MACROD2: variants seen among roughly 807,000 people sequenced by gnomAD.
MACROD2 encodes mono-ADP ribosylhydrolase 2, also known as ADP-ribose glycohydrolase MACROD2.
Under a neutral mutation model 70.4 loss-of-function variants are expected in MACROD2, and 36 were observed. The ratio of observed to expected loss-of-function variants is 0.51; its 90% CI spans 0.39 to 0.68. MACROD2 has a LOEUF of 0.68. Ranked by LOEUF, MACROD2 falls within the 30% of genes least tolerant of loss-of-function variation. The pLI is 0.00. For missense variants in MACROD2, 496 were observed against 538.4 expected (o/e 0.92, Z 0.78); for synonymous variants, 172 against 178.8 (o/e 0.96, Z 0.30).
intron 3 of MACROD2, among the ~76,000 whole-genome samples, chr20:14,469,755 G>T (rs192783793): frequency 2.6e-5 from 4 of 151,756 alleles, no homozygotes; most frequent in African/African-American, 9.7e-5. Context: ...CGAAGTTCTC[G>T]TGCTGTGTTT....
At chr20:14,655,676 ATTTC>A in intron 4 of MACROD2, among the ~76,000 whole-genome samples, 2 of 152,166 alleles carry the variant, frequency 1.3e-5, no homozygotes, top group African/African-American at 4.8e-5. Context: ...ATGAAGCAGC[ATTTC>A]TATGTGTCTC....
At chr20:15,911,768 G>C (rs2065241040) in intron 10 of MACROD2, among the ~76,000 whole-genome samples, 1 of 152,198 alleles carries the variant, frequency 6.6e-6, no homozygotes, top group South Asian at 2.1e-4. Context: ...ATGTGGAAAA[G>C]GATCCTGTGA....
intron 8 of MACROD2, among the ~76,000 whole-genome samples, chr20:15,672,075 T>C (rs1204675461): frequency 6.6e-6 from 1 of 152,180 alleles, no homozygotes; most frequent in Non-Finnish European, 1.5e-5. Flanking sequence ...CTCACTAAGC[T>C]GCTTAACTCA....
At chr20:14,759,377 T>A (rs2071985109) in intron 5 of MACROD2, among the ~76,000 whole-genome samples, 1 of 152,136 alleles carries the variant, frequency 6.6e-6, no homozygotes. Flanking sequence ...GGAAAAGACA[T>A]CATTAATGTT....
chr20:14,932,615 G>A (rs2074305834), intron 5 of MACROD2, among the ~76,000 whole-genome samples: 1 of 152,056 alleles, frequency 6.6e-6, no homozygotes, highest in South Asian at 2.1e-4. Flanking sequence ...GCCTAGGCTG[G>A]AGTGCAGTCA....
At chr20:15,362,136 C>T (rs111310988) in intron 6 of MACROD2, among the ~76,000 whole-genome samples, 200 of 151,984 alleles carry the variant, frequency 1.3e-3, no homozygotes, top group African/African-American at 4.5e-3. Context: ...CTCAGCCTTC[C>T]GAGTAGCTGG....
chr20:14,758,586 A>C (rs2071973077), intron 5 of MACROD2, among the ~76,000 whole-genome samples: 1 of 152,144 alleles, frequency 6.6e-6, no homozygotes, highest in Non-Finnish European at 1.5e-5. Context: ...GTGACTGAGC[A>C]AATCCACTGG....
At chr20:15,560,791 A>AAAAAAAAAAAAAAAAAT (rs2048233308) in intron 8 of MACROD2, among the ~76,000 whole-genome samples, 1 of 144,654 alleles carries the variant, frequency 6.9e-6, no homozygotes, top group Non-Finnish European at 1.5e-5. Context: ...AAAAAAAAAA[A>AAAAAAAAAAAAAAAAAT]GACTGATCAT....
intron 4 of MACROD2, among the ~76,000 whole-genome samples, chr20:14,648,632 ATATATCTATC>A (rs1985522227): frequency 6.6e-6 from 1 of 151,864 alleles, no homozygotes; most frequent in African/African-American, 2.4e-5. Flanking sequence ...ATATATATAT[ATATATCTATC>A]TATCTCACAT....
intron 5 of MACROD2, among the ~76,000 whole-genome samples, chr20:15,005,830 G>C (rs1193232362): frequency 6.6e-6 from 1 of 152,110 alleles, no homozygotes; most frequent in Non-Finnish European, 1.5e-5. Flanking sequence ...GAACCAGTTT[G>C]AGCTTCAGTC....
chr20:14,145,464 T>A (rs891966249), intron 3 of MACROD2, among the ~76,000 whole-genome samples: 2 of 152,216 alleles, frequency 1.3e-5, no homozygotes, highest in African/African-American at 4.8e-5. Flanking sequence ...TACAAATCTT[T>A]TAGAAAATAT....
intron 3 of MACROD2, among the ~76,000 whole-genome samples, chr20:14,178,749 T>TTTG (rs1311796068): frequency 6.8e-6 from 1 of 147,238 alleles, no homozygotes; most frequent in Non-Finnish European, 1.5e-5. Flanking sequence ...TTTTTTTTTT[T>TTTG]GACCGTAGTG....
At chr20:15,308,919 A>C (rs1285021306) in intron 6 of MACROD2, among the ~76,000 whole-genome samples, 1 of 152,132 alleles carries the variant, frequency 6.6e-6, no homozygotes, top group African/African-American at 2.4e-5. Context: ...TGTTCTCCCA[A>C]AGCATGGAAA....
At chr20:16,020,107 A>C (rs1328661815) in intron 15 of MACROD2, among the ~76,000 whole-genome samples, 1 of 152,234 alleles carries the variant, frequency 6.6e-6, no homozygotes, top group East Asian at 1.9e-4. Context: ...TGAAACTTCC[A>C]CGGGTCCCAT....
intron 5 of MACROD2, among the ~76,000 whole-genome samples, chr20:14,725,065 A>G (rs1050456090): frequency 1.3e-5 from 2 of 152,234 alleles, no homozygotes; most frequent in East Asian, 3.9e-4. Context: ...AGGCTTGCTC[A>G]TGGATTGGAT....
intron 4 of MACROD2, among the ~76,000 whole-genome samples, chr20:14,504,050 G>C (rs1367055306): frequency 6.6e-6 from 1 of 152,160 alleles, no homozygotes; most frequent in Non-Finnish European, 1.5e-5. Context: ...CAAAGTCAGT[G>C]CATTTTCTTA....
At chr20:15,219,139 G>T (rs190458908) in intron 5 of MACROD2, among the ~76,000 whole-genome samples, 1 of 152,166 alleles carries the variant, frequency 6.6e-6, no homozygotes, top group African/African-American at 2.4e-5. Flanking sequence ...CTATGGAGTC[G>T]AAAGACATCA....
intron 4 of MACROD2, among the ~76,000 whole-genome samples, chr20:14,495,271 C>T (rs2084840860): frequency 6.6e-6 from 1 of 152,074 alleles, no homozygotes; most frequent in South Asian, 2.1e-4. Context: ...CTGTTCTTTC[C>T]TAGTGCATGG....
intron 8 of MACROD2, among the ~76,000 whole-genome samples, chr20:15,802,120 T>C (rs746084993): frequency 1.1e-4 from 17 of 152,128 alleles, no homozygotes; most frequent in Non-Finnish European, 2.1e-4. Flanking sequence ...GGTTAGTCTG[T>C]ATATAAGATC....
Sources: allele counts gnomAD v4.1 joint callset (sites outside exome capture counted in the v4.1 genomes callset), GRCh38; gene constraint gnomAD v4.1.1; transcripts MANE v1.5; gene names NCBI Gene and HGNC (gene_info 2026-07-23, HGNC 2026-07-21).